Variants in CDH15 observed in about 807,000 individuals in gnomAD.
CDH15 encodes the protein cadherin 15.
CDH15 carries 73 observed loss-of-function variants against 69.4 expected under a neutral mutation model. That is an observed-to-expected ratio of 1.05 (90% CI 0.87 to 1.28). The LOEUF (loss-of-function observed/expected upper bound fraction) is 1.28. Ranked by LOEUF, CDH15 falls within the 50% of genes most tolerant of loss-of-function variation. The pLI, the probability that CDH15 is intolerant of heterozygous loss-of-function variation, is 0.00. For synonymous variants in CDH15, 624 were observed against 507.7 expected, an observed-to-expected ratio of 1.23 and a Z score of -3.08; for missense variants, 1,343 against 1,133.6, an observed-to-expected ratio of 1.18 and a Z score of -2.65.
intron 13 of CDH15, 121 bp from the exon 14 acceptor site, chr16:89,194,741 G>T (rs905321314): frequency 1.1e-5 from 11 of 977,274 alleles, no homozygotes; most frequent in Non-Finnish European, 1.7e-5. Context: ...GCCCCCGGAC[G>T]TGGGCAGCTT....
At chr16:89,176,011 C>A (rs1915248379) in intron 1 of CDH15, among the ~76,000 whole-genome samples, 2 of 152,236 alleles carry the variant, frequency 1.3e-5, no homozygotes, top group Non-Finnish European at 2.9e-5. Context: ...GAGCGAGAGG[C>A]CCCAGTGCCC....
At chr16:89,191,114 G>A (rs1328992199) in intron 8 of CDH15, among the ~76,000 whole-genome samples, 2 of 151,294 alleles carry the variant, frequency 1.3e-5, no homozygotes, top group African/African-American at 4.8e-5. Flanking sequence ...GCATGTGTGT[G>A]TGCTGTGCAT....
intron 8 of CDH15, 67 bp from the exon 9 acceptor site, chr16:89,191,263 A>G (rs1178176366): frequency 6.3e-7 from 1 of 1,592,564 alleles, no homozygotes; most frequent in African/African-American, 1.3e-5. Flanking sequence ...TCACGCACCC[A>G]TACCTGACCA....
intron 2 of CDH15, 46 bp from the exon 3 acceptor site, chr16:89,180,154 C>T (rs761408200): frequency 5.6e-6 from 9 of 1,603,246 alleles, no homozygotes; most frequent in Middle Eastern, 2.2e-4. Flanking sequence ...AGGGCAGAGG[C>T]CCCCGCCCGG....
At position 89,195,202 on chromosome 16, in the gene CDH15, A is replaced by G. The variant is rs374439221; in HGVS notation, c.*47A>G. 1.5e-5 allele frequency: 23 copies of G among 1,516,076 alleles called. No homozygotes were observed. The highest frequency in any genetic ancestry group is 2.0e-5 in the Non-Finnish European group (23 of 1,133,996). 93.9% of individuals were successfully genotyped at this position (1,516,076 alleles called of 1,614,324 possible). A position where few individuals can be genotyped will look rare whatever the true frequency, so the allele number is the denominator to read the frequency against. ...GCCACTCCCCGGCCTCGTGGCAGTG[A>G]TGGCCCCTGCAGAGGCAGCCTGAGG... On this transcript the variant is annotated 3_prime_UTR_variant, in exon 14 of 14. Coordinates refer to ENST00000289746, the MANE Select transcript of CDH15 (RefSeq NM_004933.3).
intron 1 of CDH15, 58 bp from the exon 2 acceptor site, chr16:89,179,358 C>T (rs1358428158): frequency 6.2e-5 from 100 of 1,600,842 alleles, no homozygotes; most frequent in South Asian, 1.3e-4. Flanking sequence ...CCCAGCTGCA[C>T]GCTGCCGCCC....
intron 6 of CDH15, among the ~76,000 whole-genome samples, chr16:89,187,836 G>A (rs912824930): frequency 6.6e-5 from 10 of 152,206 alleles, no homozygotes; most frequent in African/African-American, 2.4e-4. Context: ...GTCTCCCTCC[G>A]GCCTTTGCTG....
intron 5 of CDH15, chr16:89,185,644 A>C: frequency 6.7e-6 from 3 of 445,772 alleles, no homozygotes; most frequent in Admixed American, 3.5e-5. Flanking sequence ...TAAGTAACTA[A>C]CTCCTTCTGT....
intron 8 of CDH15, among the ~76,000 whole-genome samples, chr16:89,190,889 C>G (rs1326441733): frequency 6.6e-6 from 1 of 152,174 alleles, no homozygotes; most frequent in African/African-American, 2.4e-5. Context: ...ACAATTGTCT[C>G]AGCGCCCTGG....
At chr16:89,177,840 G>T (rs988642165) in intron 1 of CDH15, among the ~76,000 whole-genome samples, 2 of 152,124 alleles carry the variant, frequency 1.3e-5, no homozygotes, top group Non-Finnish European at 2.9e-5. Context: ...TAGGGTCAGG[G>T]GTCTTTCAGG....
chr16:89,192,602 G>A (rs145397325), intron 11 of CDH15, among the ~76,000 whole-genome samples, 158 bp downstream of exon 11: 1 of 35,272 alleles, frequency 2.8e-5, no homozygotes, highest in African/African-American at 1.2e-4. Context: ...CCCCAGCTCC[G>A]CCTCCTCCCT....
chr16:89,181,720 A>G (rs1280838661), intron 3 of CDH15, among the ~76,000 whole-genome samples: 2 of 151,988 alleles, frequency 1.3e-5, no homozygotes, highest in Non-Finnish European at 2.9e-5. Flanking sequence ...CAGGCAGATC[A>G]TGAGGTCAAG....
At chr16:89,178,624 G>A (rs1915308489) in intron 1 of CDH15, among the ~76,000 whole-genome samples, 4 of 146,152 alleles carry the variant, frequency 2.7e-5, no homozygotes, top group Admixed American at 2.0e-4. Flanking sequence ...CACCACCAGC[G>A]TTGGCTGCCC....
In CDH15 at chr16:89,171,853, G is replaced by C. The variant is rs567903921; in HGVS notation, c.22G>C (p.Val8Leu). Residue 8 changes from valine (V) to leucine (L), a missense_variant, in exon 1 of 14, where the codon GTC (valine) becomes CTC (leucine). Coordinates refer to ENST00000289746, the MANE Select transcript of CDH15 (RefSeq NM_004933.3). ...CCCGATGGACGCCGCGTTCCTCCTC[G>C]TCCTCGGGCTGTTGGCCCAGGTAAG... MDAAFLLVLGLLAQSLCL... is the reference protein window; with the variant it reads MDAAFLLLLGLLAQSLCL... 5.9e-5 allele frequency: 92 copies of C among 1,559,540 alleles called. No individual in the cohort carries two copies. In the East Asian group the frequency reaches 9.8e-4, roughly 17 times the overall value.
rs1027345837 is a variant in CDH15 at position 89,171,755 on chromosome 16, A to G, written c.-77A>G. On this transcript the variant is annotated 5_prime_UTR_variant, in exon 1 of 14. Transcript: ENST00000289746. ...TCTCTGGCCCTGGCCCGCCCCGCGC[A>G]CTTGCGCTGTCACTCAGCCTGGACG... The G allele has an allele frequency of 7.7e-7, 1 of 1,293,474 alleles. No homozygotes were observed. The allele number at this position is 1,293,474 out of a possible 1,614,324, so 80.1% of individuals were successfully genotyped here. A position where few individuals can be genotyped will look rare whatever the true frequency, so the allele number is the denominator to read the frequency against.
At chr16:89,191,301 G>T in intron 8 of CDH15, 29 bp from the exon 9 acceptor site, 1 of 1,612,314 alleles carries the variant, frequency 6.2e-7, no homozygotes, top group Non-Finnish European at 8.5e-7. Context: ...GGTAAACTCA[G>T]ATCCCACTCT....
Position 89,191,471 on chromosome 16 carries a change from C to T in CDH15, c.1374C>T (p.Asp458=), listed in dbSNP as rs145756506. Reference sequence around the variant, plus strand: ...GAGCCATCGTCCTGGCCCAGGATGACGGTGAGCGGCGCCGCCGGCTTGGGG... The same window carrying T: ...GAGCCATCGTCCTGGCCCAGGATGATGGTGAGCGGCGCCGCCGGCTTGGGG... ...WYRAIVLAQD[D]ASQPRTATGT... is the part of the protein sequence containing the mutation. The change falls in exon 9 of 14, where the codon GAC becomes GAT. Residue 458 remains aspartate, a splice_region_variant and synonymous_variant. Transcript: ENST00000289746. 9.3e-6 allele frequency: 15 copies of T among 1,612,044 alleles called. No homozygotes were observed. In the East Asian group the frequency reaches 1.1e-4, roughly 12 times the overall value.
rs761085530 is a variant in CDH15 at position 89,193,763 on chromosome 16, C to T, written c.2001C>T (p.Tyr667=). 16 of 1,603,716 alleles carry T rather than the reference C, an allele frequency of 1.0e-5. No individual in the cohort carries two copies. Among genetic ancestry groups the T allele is most frequent in the African/African-American group, 2.7e-5 (2 of 74,722 alleles). The change falls in exon 13 of 14, where the codon TAC becomes TAT. Residue 667 remains tyrosine (Y), a synonymous_variant. Coordinates refer to ENST00000289746, the MANE Select transcript of CDH15 (RefSeq NM_004933.3). ...CACCTCCTCGCCCACAGGACGCCTA[C>T]GACATCAGCCAGCTGCGTCACCCGA... ...QGGGEEDQDA[Y]DISQLRHPTA... is the part of the protein sequence containing the mutation.
chr16:89,191,778 G>A lies in CDH15; in HGVS notation c.1499G>A (p.Gly500Asp), dbSNP rs1555593636. The A allele has an allele frequency of 3.1e-6, 5 of 1,606,414 alleles. No homozygotes were observed. In the South Asian group the frequency reaches 5.5e-5, roughly 18 times the overall value. ...SLCSEPHQGP[G>D]LLLGATDEDL... The stretch of plus-strand genomic sequence containing the variant: ...TGCAGCGAGCCACACCAAGGCCCAG[G>A]CCTCCTCCTGGGCGCCACGGATGAG... Residue 500 changes from glycine to aspartate, a missense_variant, in exon 10 of 14, where the codon GGC becomes GAC. Physicochemically the swap from Gly to Asp is moderately conservative, Grantham distance 94. Coordinates refer to ENST00000289746, the MANE Select transcript of CDH15 (RefSeq NM_004933.3).
Sources: gnomAD v4.1 joint callset for allele counts (sites outside exome capture counted in the v4.1 genomes callset) on GRCh38, gnomAD v4.1.1 for gene constraint, MANE v1.5 for transcripts, NCBI Gene and HGNC (gene_info 2026-07-23, HGNC 2026-07-21) for gene names.